The following SESTD1 variants were observed in gnomAD, a reference collection of about 807,000 sequenced individuals.
SESTD1 encodes the protein SEC14 domain and spectrin repeat-containing protein 1.
SESTD1 carries 43 observed loss-of-function variants against 101.7 expected under a neutral mutation model. The ratio of observed to expected loss-of-function variants is 0.42; its 90% CI spans 0.33 to 0.55. SESTD1 has a LOEUF of 0.55. SESTD1 is among the 20% of genes least tolerant of loss of function. The pLI, the probability that SESTD1 is intolerant of heterozygous loss-of-function variation, is 0.07. For missense variants in SESTD1, 647 were observed against 815.1 expected (o/e 0.79, Z 2.51); for synonymous variants, 283 against 286.8 (o/e 0.99, Z 0.13).
At chr2:179,134,787 G>A (rs1241271687) in intron 9 of SESTD1, among the ~76,000 whole-genome samples, 4 of 152,048 alleles carry the variant, frequency 2.6e-5, no homozygotes, top group Non-Finnish European at 4.4e-5. Context: ...AGTTTGAACT[G>A]TAAATAACCT....
chr2:179,254,364 C>T (rs2047362522), intron 1 of SESTD1, among the ~76,000 whole-genome samples: 1 of 152,176 alleles, frequency 6.6e-6, no homozygotes, highest in East Asian at 1.9e-4. Context: ...GCACTACAGA[C>T]TTTTTATTCT....
intron 11 of SESTD1, 136 bp from the exon 12 acceptor site, chr2:179,123,965 A>T (rs2154394065): frequency 1.6e-6 from 1 of 623,836 alleles, no homozygotes; most frequent in South Asian, 2.3e-5. Flanking sequence ...GACAAGGACG[A>T]ATCATTAGAA....
rs1019171410 is a variant in SESTD1, at chr2:179,103,883, T to C, written c.*6016A>G. 35 of 152,278 alleles carry C rather than the reference T, an allele frequency of 2.3e-4. No homozygotes were observed. Among genetic ancestry groups the C allele is most frequent in the African/African-American group, 6.0e-4 (25 of 41,572 alleles). 9.4% of individuals were successfully genotyped at this position (152,278 alleles called of 1,614,324 possible). ...CACTTCATTGCATGCTAATTTTATG[T>C]AAAAAAGCCAACAATGAACTCTAGT... is the stretch of plus-strand genomic sequence containing the variant. On this transcript the variant is annotated 3_prime_UTR_variant, in exon 18 of 18. Coordinates refer to ENST00000428443, the MANE Select transcript of SESTD1 (RefSeq NM_178123.5).
chr2:179,243,641 G>A (rs944970245), intron 1 of SESTD1, among the ~76,000 whole-genome samples: 23 of 151,984 alleles, frequency 1.5e-4, no homozygotes, highest in Non-Finnish European at 2.4e-4. Flanking sequence ...ATCATCGTAA[G>A]TGAATTAACA....
intron 7 of SESTD1, 48 bp from the exon 8 acceptor site, chr2:179,146,505 T>A: frequency 6.6e-7 from 1 of 1,505,442 alleles, no homozygotes; most frequent in Non-Finnish European, 9.1e-7. Context: ...TTTCTATCAA[T>A]GTAACTTTAA....
intron 1 of SESTD1, among the ~76,000 whole-genome samples, chr2:179,222,574 C>T (rs939279070): frequency 1.3e-5 from 2 of 152,062 alleles, no homozygotes; most frequent in Non-Finnish European, 2.9e-5. Context: ...TATCCTGATA[C>T]TTTTTTATAT....
chr2:179,210,402 C>T (rs559933281), intron 1 of SESTD1, among the ~76,000 whole-genome samples: 1 of 133,906 alleles, frequency 7.5e-6, no homozygotes, highest in Non-Finnish European at 1.6e-5. Context: ...AGACCAATAT[C>T]CCTGATTAAG....
chr2:179,143,743 G>A lies in SESTD1; in HGVS notation c.698C>T (p.Ser233Leu), dbSNP rs372795545. 2 of 1,613,938 alleles carry A rather than the reference G, an allele frequency of 1.2e-6. No homozygotes were observed. The highest frequency in any genetic ancestry group is 1.1e-5 in the South Asian group (1 of 91,080). The change falls in exon 9 of 18, where the codon TCA becomes TTA. Residue 233 changes from serine (S) to leucine (L), a missense_variant. Physicochemically the swap from Ser to Leu is moderately radical, Grantham distance 145 (BLOSUM62 -2). Around this residue, in one of 3 missense-constraint regions of SESTD1, gnomAD observed 476 missense variants for 562.6 expected, o/e 0.85. Transcript: ENST00000428443. ...AAGTTCATCATCCATAGGAGACCAT[G>A]AAACCCCTCCGTCTGAGCCATTAAA... Reference protein sequence around the residue: ...RRFNGSDGGVSWSPMDDELLA... With the variant: ...RRFNGSDGGVLWSPMDDELLA...
At position 179,105,611 on chromosome 2, in the gene SESTD1, C is replaced by G. The variant is rs1237659230; in HGVS notation, c.*4288G>C. On this transcript the variant is annotated 3_prime_UTR_variant, in exon 18 of 18. Coordinates refer to ENST00000428443, the MANE Select transcript of SESTD1 (RefSeq NM_178123.5). ...ATCCCATGCTTGTCATGTGAGACAACAGAAAGGATAAAGAATACTCTATTT... is the reference window on the plus strand; with the variant it reads ...ATCCCATGCTTGTCATGTGAGACAAGAGAAAGGATAAAGAATACTCTATTT... 1.3e-5 allele frequency: 2 copies of G among 152,100 alleles called. No homozygotes were observed. The highest frequency in any genetic ancestry group is 4.8e-5 in the African/African-American group (2 of 41,412). The allele number at this position is 152,100 out of a possible 1,614,324, so 9.4% of individuals were successfully genotyped here. A position where few individuals can be genotyped will look rare whatever the true frequency, so the allele number is the denominator to read the frequency against.
Position 179,140,174 on chromosome 2 carries a change from AAAAG to A in SESTD1, c.849+3414_849+3417del, listed in dbSNP as rs1415920741. Among the ~76,000 whole-genome samples, 8 of 152,318 alleles carry A rather than the reference AAAAG, an allele frequency of 5.3e-5. No individual in the cohort carries two copies. In the East Asian group the frequency reaches 9.6e-4, roughly 18 times the overall value. On this transcript the variant is annotated intron_variant, in intron 9 of 17. Transcript: ENST00000428443. ...AATCTTTAAAGTTTTTCATATCATGAAAAGAAAGAACAACTATCCTTACCCCTCC... is the reference window on the plus strand; with the variant it reads ...AATCTTTAAAGTTTTTCATATCATGAAAAGAACAACTATCCTTACCCCTCC...
At chr2:179,246,872 A>G (rs990174443) in intron 1 of SESTD1, among the ~76,000 whole-genome samples, 4 of 152,252 alleles carry the variant, frequency 2.6e-5, no homozygotes, top group African/African-American at 4.8e-5. Flanking sequence ...TGGCAGAGTG[A>G]AAGTAGGTTA....
In SESTD1 at chr2:179,216,716, T is replaced by C. The variant is rs2046726213; in HGVS notation, c.-25-24850A>G. On this transcript the variant is annotated intron_variant, in intron 1 of 17. Transcript: ENST00000428443. The stretch of plus-strand genomic sequence containing the variant: ...AAGAACAAGGCTGTAGGCATCATGT[T>C]ACCAGACTTCAAACTATACTACAAG... 3.7e-5 allele frequency among the ~76,000 whole-genome samples: 5 copies of C among 135,240 alleles called. 2 individuals are homozygous for C. In the Middle Eastern group the frequency reaches 0.017, roughly 458 times the overall value. The allele number at this position is 135,240 out of a possible 152,430, so 88.7% of individuals were successfully genotyped here. A position where few individuals can be genotyped will look rare whatever the true frequency, so the allele number is the denominator to read the frequency against.
rs1418368033 is a variant in SESTD1, at chr2:179,215,309, T to G, written c.-25-23443A>C. Among the ~76,000 whole-genome samples the G allele has an allele frequency of 1.5e-5, 2 of 134,022 alleles. 1 individual carries two copies. Among genetic ancestry groups the G allele is most frequent in the African/African-American group, 5.9e-5 (2 of 33,752 alleles). The allele number at this position is 134,022 out of a possible 152,430, so 87.9% of individuals were successfully genotyped here. A position where few individuals can be genotyped will look rare whatever the true frequency, so the allele number is the denominator to read the frequency against. ...GCAATAAAAAATGATAAACGGGATA[T>G]CACCACTAATCTAACAGAAAAACAA... On this transcript the variant is annotated intron_variant, in intron 1 of 17. Transcript: ENST00000428443.
intron 1 of SESTD1, among the ~76,000 whole-genome samples, chr2:179,241,572 T>C (rs982779582): frequency 5.3e-5 from 8 of 151,970 alleles, no homozygotes; most frequent in Admixed American, 2.0e-4. Flanking sequence ...AGCAGGAAGA[T>C]TGCTCGGGCC....
chr2:179,102,888 C>T lies in SESTD1; in HGVS notation c.*7011G>A, dbSNP rs930669667. On this transcript the variant is annotated 3_prime_UTR_variant, in exon 18 of 18. Transcript: ENST00000428443. ...AAACTGTGAGGTAGAATTTTTCCCA[C>T]CCCGTTTTCTGCTCTTCTGGCCACC... 3.9e-5 allele frequency: 6 copies of T among 152,070 alleles called. No homozygotes were observed. The highest frequency in any genetic ancestry group is 1.4e-4 in the African/African-American group (6 of 41,410). 9.4% of individuals were successfully genotyped at this position (152,070 alleles called of 1,614,324 possible). A position where few individuals can be genotyped will look rare whatever the true frequency, so the allele number is the denominator to read the frequency against.
At chr2:179,219,576 C>T (rs1165668129) in intron 1 of SESTD1, among the ~76,000 whole-genome samples, 1 of 152,180 alleles carries the variant, frequency 6.6e-6, no homozygotes, top group East Asian at 1.9e-4. Flanking sequence ...AAAGTAAGAG[C>T]AATTTTAGAA....
intron 1 of SESTD1, among the ~76,000 whole-genome samples, chr2:179,225,762 T>C (rs543589924): frequency 6.6e-6 from 1 of 152,158 alleles, no homozygotes; most frequent in South Asian, 2.1e-4. Flanking sequence ...CAAGAGAGCA[T>C]TCCCTTCAAT....
Position 179,147,998 on chromosome 2 carries a change from A to G in SESTD1, c.581+1299T>C, listed in dbSNP as rs186732552. Among the ~76,000 whole-genome samples, 7 of 152,360 alleles carry G rather than the reference A, an allele frequency of 4.6e-5. No individual in the cohort carries two copies. In the East Asian group the frequency reaches 7.7e-4, roughly 17 times the overall value. ...CACAATCACATATTTATATACATAT[A>G]CAAAATTTCATAATTTTACATTTTT... On this transcript the variant is annotated intron_variant, in intron 7 of 17. Transcript: ENST00000428443.
In SESTD1 at chr2:179,132,546, T is replaced by C. The variant is rs1490761365; in HGVS notation, c.850-120A>G. ...TATTTTTAATGTAAATTATTTACATTCTATCACATAGGCAGTAAATGTTTC... is the reference window on the plus strand; with the variant it reads ...TATTTTTAATGTAAATTATTTACATCCTATCACATAGGCAGTAAATGTTTC... On this transcript the variant is annotated intron_variant, in intron 9 of 17. Transcript: ENST00000428443. 8 of 1,124,622 alleles carry C rather than the reference T, an allele frequency of 7.1e-6. No homozygotes were observed. The East Asian group carries it at 2.2e-4, about 31-fold the overall frequency. The allele number at this position is 1,124,622 out of a possible 1,614,324, so 69.7% of individuals were successfully genotyped here. A position where few individuals can be genotyped will look rare whatever the true frequency, so the allele number is the denominator to read the frequency against.
Sources: gnomAD v4.1 joint callset for allele counts (sites outside exome capture counted in the v4.1 genomes callset) on GRCh38, gnomAD v4.1.1 for gene constraint, gnomAD v4.1.1 regional missense constraint, MANE v1.5 for transcripts, NCBI Gene and HGNC (gene_info 2026-07-23, HGNC 2026-07-21) for gene names.